NDST3: variants seen among roughly 807,000 people sequenced by gnomAD.
NDST3 encodes the protein bifunctional heparan sulfate N-deacetylase/N-sulfotransferase 3.
A neutral mutation model predicts 96.1 loss-of-function variants in NDST3; 58 were observed. The ratio of observed to expected loss-of-function variants is 0.60; its 90% CI spans 0.49 to 0.75. The LOEUF is 0.75. NDST3 is among the 30% of genes least tolerant of loss of function. The pLI, the probability that NDST3 is intolerant of heterozygous loss-of-function variation, is 0.00. For missense variants in NDST3, 788 were observed against 1,034.2 expected (o/e 0.76, Z 3.27); for synonymous variants, 333 against 359.7 (o/e 0.93, Z 0.84).
chr4:118,038,828 T>A (rs951390832), intron 1 of NDST3, among the ~76,000 whole-genome samples: 1 of 152,244 alleles, frequency 6.6e-6, no homozygotes, highest in African/African-American at 2.4e-5. Context: ...CAGATGGTAA[T>A]CTTTTTTCAC....
At position 118,215,454 on chromosome 4, in the gene NDST3, C is replaced by T. The variant is rs139333189; in HGVS notation, c.1540-9037C>T. On this transcript the variant is annotated intron_variant, in intron 6 of 13. Transcript: ENST00000296499. ...TTTCATGGGATGGTGGGGACAAAAC[C>T]CAAGTCACAAATGGCTGAAACATGA... Among the ~76,000 whole-genome samples, 33 of 152,084 alleles carry T rather than the reference C, an allele frequency of 2.2e-4. 1 individual carries two copies. Among genetic ancestry groups the T allele is most frequent in the African/African-American group, 7.0e-4 (29 of 41,520 alleles).
At chr4:118,161,826 G>A (rs6842689) in intron 6 of NDST3, among the ~76,000 whole-genome samples, 24,450 of 152,060 alleles carry the variant, frequency 0.16, 2,106 homozygotes, top group South Asian at 0.23. Flanking sequence ...TGAGCTTCCC[G>A]AGTGAGGCAA....
At chr4:118,075,263 G>A (rs1181129618) in intron 2 of NDST3, among the ~76,000 whole-genome samples, 1 of 152,184 alleles carries the variant, frequency 6.6e-6, no homozygotes, top group Admixed American at 6.5e-5. Context: ...ATTCCATGGT[G>A]TATATGTGCC....
intron 2 of NDST3, among the ~76,000 whole-genome samples, chr4:118,073,778 G>A (rs1246902169): frequency 1.8e-4 from 27 of 151,436 alleles, no homozygotes; most frequent in Non-Finnish European, 4.4e-5. Flanking sequence ...GTTATTTCTT[G>A]TCTTCTGCTA....
At chr4:118,071,718 T>C (rs1172008421) in intron 2 of NDST3, among the ~76,000 whole-genome samples, 1 of 152,188 alleles carries the variant, frequency 6.6e-6, no homozygotes, top group African/African-American at 2.4e-5. Context: ...AGTGCTGCCA[T>C]GAACATGCAC....
At chr4:118,178,037 T>C (rs983357529) in intron 6 of NDST3, among the ~76,000 whole-genome samples, 14 of 151,834 alleles carry the variant, frequency 9.2e-5, no homozygotes, top group Middle Eastern at 3.2e-3. Context: ...TATTTTAATT[T>C]CTTAAGCATA....
At chr4:118,210,578 C>A (rs1490959798) in intron 6 of NDST3, among the ~76,000 whole-genome samples, 3 of 151,972 alleles carry the variant, frequency 2.0e-5, no homozygotes, top group Non-Finnish European at 4.4e-5. Context: ...GAGATTGAGA[C>A]CATCCTGGCC....
chr4:118,156,554 T>C (rs1024133271), intron 6 of NDST3, among the ~76,000 whole-genome samples: 1 of 152,222 alleles, frequency 6.6e-6, no homozygotes, highest in African/African-American at 2.4e-5. Context: ...ACATACATAC[T>C]ATCTTTGGAA....
In NDST3 at chr4:118,066,196, T is replaced by TATTA. The variant is rs1560617786; in HGVS notation, c.981+11305_981+11306insATTA. Among the ~76,000 whole-genome samples, 8 of 51,258 alleles carry TATTA rather than the reference T, an allele frequency of 1.6e-4. 1 individual carries two copies. The highest frequency in any genetic ancestry group is 5.5e-4 in the African/African-American group (8 of 14,428). 33.6% of individuals were successfully genotyped at this position (51,258 alleles called of 152,430 possible). A position where few individuals can be genotyped will look rare whatever the true frequency, so the allele number is the denominator to read the frequency against. On this transcript the variant is annotated intron_variant, in intron 2 of 13. Coordinates refer to ENST00000296499, the MANE Select transcript of NDST3 (RefSeq NM_004784.3). Reference sequence around the variant, plus strand: ...TTTTATATATTATATATCTTATATATTATATTTTATATATTATACATAATA... The same window carrying TATTA: ...TTTTATATATTATATATCTTATATATATTATATATTTTATATATTATACATAATA...
rs115419567 is a variant in NDST3, at chr4:118,194,328, G to A, written c.1540-30163G>A. 1.2e-3 allele frequency: 860 copies of A among 733,352 alleles called. 5 individuals are homozygous for A. The African/African-American group carries it at 0.012, about 10-fold the overall frequency. The allele number at this position is 733,352 out of a possible 1,614,324, so 45.4% of individuals were successfully genotyped here. On this transcript the variant is annotated intron_variant, in intron 6 of 13. Transcript: ENST00000296499. ...GATGATTCCGCCATCTTCTTCTTCC[G>A]TCAGATCTTCTCCCTTAAACTCAAA...
At chr4:118,075,823 C>A (rs1020740557) in intron 2 of NDST3, among the ~76,000 whole-genome samples, 4 of 152,138 alleles carry the variant, frequency 2.6e-5, no homozygotes, top group African/African-American at 7.2e-5. Flanking sequence ...GGGTAGATTG[C>A]AAAAATTTCC....
intron 3 of NDST3, among the ~76,000 whole-genome samples, chr4:118,111,204 C>T (rs1300333487): frequency 6.6e-6 from 1 of 152,134 alleles, no homozygotes; most frequent in East Asian, 1.9e-4. Flanking sequence ...GAAAAACTAC[C>T]TGTTGTGTAC....
intron 2 of NDST3, among the ~76,000 whole-genome samples, chr4:118,073,030 A>G (rs924663453): frequency 6.6e-6 from 1 of 152,158 alleles, no homozygotes; most frequent in Non-Finnish European, 1.5e-5. Context: ...AAACACATTT[A>G]TTGATTTACA....
chr4:118,157,750 T>G (rs916904661), intron 6 of NDST3, among the ~76,000 whole-genome samples: 1 of 152,034 alleles, frequency 6.6e-6, no homozygotes, highest in Non-Finnish European at 1.5e-5. Context: ...CCATGAAATG[T>G]TTTACATATA....
chr4:118,194,602 G>C, intron 6 of NDST3: 1 of 725,400 alleles, frequency 1.4e-6, no homozygotes, highest in Non-Finnish European at 2.6e-6. Flanking sequence ...CAAAGATTCA[G>C]TCCCCAATCA....
chr4:118,230,622 C>G lies in NDST3; in HGVS notation c.1820-2390C>G, dbSNP rs114860259. On this transcript the variant is annotated intron_variant, in intron 8 of 13. Coordinates refer to ENST00000296499, the MANE Select transcript of NDST3 (RefSeq NM_004784.3). ...ATTCTTGGGTTATAACAAAGACTTA[C>G]CGAATCAGAGATACTGGGATAGGGC... Among the ~76,000 whole-genome samples, 232 of 152,018 alleles carry G rather than the reference C, an allele frequency of 1.5e-3. 1 individual carries two copies. Among genetic ancestry groups the G allele is most frequent in the Non-Finnish European group, 2.7e-3 (181 of 67,960 alleles).
intron 1 of NDST3, among the ~76,000 whole-genome samples, chr4:118,050,053 T>C (rs1025130091): frequency 9.9e-5 from 15 of 152,280 alleles, no homozygotes; most frequent in Admixed American, 3.9e-4. Context: ...GTCAGCTTTA[T>C]TTCTAGGACG....
intron 4 of NDST3, among the ~76,000 whole-genome samples, chr4:118,132,856 T>C (rs1383620796): frequency 1.3e-5 from 2 of 152,134 alleles, no homozygotes; most frequent in African/African-American, 4.8e-5. Flanking sequence ...AAATATTCTC[T>C]CCAGGAGCTA....
intron 2 of NDST3, among the ~76,000 whole-genome samples, chr4:118,091,396 A>G (rs138810662): frequency 6.6e-6 from 1 of 151,954 alleles, no homozygotes; most frequent in East Asian, 1.9e-4. Context: ...TTTTCTTTGT[A>G]GAAACCATGT....
Sources: allele counts gnomAD v4.1 joint callset (sites outside exome capture counted in the v4.1 genomes callset), GRCh38; gene constraint gnomAD v4.1.1; transcripts MANE v1.5; gene names NCBI Gene and HGNC (gene_info 2026-07-23, HGNC 2026-07-21).